Variants in TSHZ2 observed in about 807,000 individuals in gnomAD.
TSHZ2 encodes teashirt zinc finger homeobox 2.
TSHZ2 carries 21 observed loss-of-function variants against 74.4 expected under a neutral mutation model. The observed-to-expected ratio is 0.28, with a 90% CI of 0.20 to 0.41. The LOEUF (loss-of-function observed/expected upper bound fraction) is 0.41. Ranked by LOEUF, TSHZ2 falls within the 10% of genes least tolerant of loss-of-function variation. The pLI, the probability that TSHZ2 is intolerant of heterozygous loss-of-function variation, is 1.00. For missense variants in TSHZ2, 1,244 were observed against 1,293.5 expected (o/e 0.96, Z 0.59); for synonymous variants, 540 against 515.3 (o/e 1.05, Z -0.65).
At chr20:53,201,513 A>G (rs888312135) in intron 1 of TSHZ2, among the ~76,000 whole-genome samples, 43 of 152,190 alleles carry the variant, frequency 2.8e-4, no homozygotes, top group African/African-American at 1.0e-3. Flanking sequence ...GGTCCTTCTC[A>G]TTTTGGCTAC....
chr20:53,031,726 G>T (rs950550211), intron 1 of TSHZ2, among the ~76,000 whole-genome samples: 8 of 152,154 alleles, frequency 5.3e-5, no homozygotes, highest in African/African-American at 1.9e-4. Flanking sequence ...CCCTGATATG[G>T]TATAGATTTT....
rs75323635 is a variant in TSHZ2 at position 52,985,049 on chromosome 20, A to T, written c.40+11716A>T. On this transcript the variant is annotated intron_variant, in intron 1 of 2. Transcript: ENST00000371497. The stretch of plus-strand genomic sequence containing the variant: ...GTGTTGGGAGCTGCCTACATTCTAG[A>T]ACTGACCGTACAGGGAAAGAGGCCA... 8.3e-3 allele frequency among the ~76,000 whole-genome samples: 1,262 copies of T among 152,288 alleles called. 15 individuals are homozygous for T. The highest frequency in any genetic ancestry group is 0.029 in the African/African-American group (1,197 of 41,540).
chr20:53,331,531 G>A (rs1253045342), intron 2 of TSHZ2, among the ~76,000 whole-genome samples: 1 of 152,110 alleles, frequency 6.6e-6, no homozygotes, highest in African/African-American at 2.4e-5. Context: ...CAACAGGAAA[G>A]CCAGGCAGGA....
chr20:53,332,379 G>A (rs1372747084), intron 2 of TSHZ2, among the ~76,000 whole-genome samples: 2 of 152,148 alleles, frequency 1.3e-5, no homozygotes, highest in Non-Finnish European at 2.9e-5. Context: ...GTCCTGGGGT[G>A]CAACACAGCA....
chr20:53,140,666 G>T (rs1225261295), intron 1 of TSHZ2, among the ~76,000 whole-genome samples: 1 of 152,036 alleles, frequency 6.6e-6, no homozygotes, highest in African/African-American at 2.4e-5. Flanking sequence ...GGCCTTGCCA[G>T]GTACCCAACC....
chr20:53,193,922 A>G (rs1311980534), intron 1 of TSHZ2, among the ~76,000 whole-genome samples: 3 of 152,196 alleles, frequency 2.0e-5, no homozygotes, highest in Non-Finnish European at 4.4e-5. Context: ...TAAAAGACAA[A>G]GTGGACAACG....
chr20:53,078,973 A>G (rs1985448913), intron 1 of TSHZ2, among the ~76,000 whole-genome samples: 1 of 152,124 alleles, frequency 6.6e-6, no homozygotes, highest in African/African-American at 2.4e-5. Context: ...AACATAATGA[A>G]CCCCTGGCAG....
At chr20:53,036,146 A>T (rs1459178917) in intron 1 of TSHZ2, among the ~76,000 whole-genome samples, 1 of 152,210 alleles carries the variant, frequency 6.6e-6, no homozygotes, top group Non-Finnish European at 1.5e-5. Flanking sequence ...TGAAGTAAAA[A>T]TTTATGATGT....
At chr20:53,352,744 A>C (rs1980696418) in intron 2 of TSHZ2, among the ~76,000 whole-genome samples, 1 of 149,526 alleles carries the variant, frequency 6.7e-6, no homozygotes. Context: ...ACTGCACCCC[A>C]GCCTGGGCGA....
At chr20:53,142,393 GGCTA>G (rs1465566564) in intron 1 of TSHZ2, among the ~76,000 whole-genome samples, 3 of 152,208 alleles carry the variant, frequency 2.0e-5, no homozygotes, top group African/African-American at 7.2e-5. Flanking sequence ...GGAGGAAAAA[GGCTA>G]ATTAAGTCTC....
At chr20:53,338,572 T>C (rs1012292856) in intron 2 of TSHZ2, among the ~76,000 whole-genome samples, 4 of 152,192 alleles carry the variant, frequency 2.6e-5, no homozygotes, top group African/African-American at 9.7e-5. Context: ...AGAGACATGG[T>C]TGATCATGAC....
At chr20:53,028,731 C>T (rs1983535830) in intron 1 of TSHZ2, among the ~76,000 whole-genome samples, 2 of 152,162 alleles carry the variant, frequency 1.3e-5, no homozygotes, top group Non-Finnish European at 2.9e-5. Context: ...TCACACTTTA[C>T]ATGTTCCAGG....
chr20:53,348,678 T>C (rs1447005723), intron 2 of TSHZ2, among the ~76,000 whole-genome samples: 4 of 152,232 alleles, frequency 2.6e-5, no homozygotes, highest in African/African-American at 4.8e-5. Context: ...GAAAGTGTCA[T>C]GACAGAATAC....
At chr20:53,226,119 AACACACACACACACACACACACACAC>A (rs11470731) in intron 1 of TSHZ2, among the ~76,000 whole-genome samples, 41,811 of 147,586 alleles carry the variant, frequency 0.28, 5,895 homozygotes, top group Non-Finnish European at 0.3. Context: ...GACTAAATTT[AACACACACACACACACACACACACAC>A]ACACACACAC....
intron 2 of TSHZ2, among the ~76,000 whole-genome samples, chr20:53,267,587 T>A (rs535064657): frequency 6.6e-6 from 1 of 152,170 alleles, no homozygotes. Context: ...ACCCTACACA[T>A]GTGTTCCTTC....
chr20:53,045,777 TAA>T (rs1031034857), intron 1 of TSHZ2, among the ~76,000 whole-genome samples: 3 of 152,160 alleles, frequency 2.0e-5, no homozygotes, highest in African/African-American at 7.2e-5. Flanking sequence ...TGGTGAGGCA[TAA>T]GAGAAAATCC....
chr20:53,086,245 A>T (rs1985696464), intron 1 of TSHZ2, among the ~76,000 whole-genome samples: 1 of 152,198 alleles, frequency 6.6e-6, no homozygotes, highest in Non-Finnish European at 1.5e-5. Context: ...ATTGATGCAA[A>T]GGTGGGGTTG....
At chr20:53,134,969 AACACACACAC>A (rs34194089) in intron 1 of TSHZ2, among the ~76,000 whole-genome samples, 6 of 143,148 alleles carry the variant, frequency 4.2e-5, no homozygotes, top group African/African-American at 1.6e-4. Context: ...CTGACAAAGA[AACACACACAC>A]ACACACACAC....
intron 2 of TSHZ2, among the ~76,000 whole-genome samples, chr20:53,342,999 C>T (rs143189114): frequency 0.018 from 2,219 of 126,084 alleles, 39 homozygotes; most frequent in Middle Eastern, 0.046. Context: ...CCAAGTCTCA[C>T]CCCGTCACCC....
Sources: gnomAD v4.1 joint callset for allele counts (sites outside exome capture counted in the v4.1 genomes callset) on GRCh38, gnomAD v4.1.1 for gene constraint, MANE v1.5 for transcripts, NCBI Gene and HGNC (gene_info 2026-07-23, HGNC 2026-07-21) for gene names.